The following MICU2 variants were observed in gnomAD, a reference collection of about 807,000 sequenced individuals.
The protein encoded by MICU2 is calcium uptake protein 2, mitochondrial.
Under a neutral mutation model 60.4 loss-of-function variants are expected in MICU2, and 64 were observed. The observed-to-expected ratio is 1.06, with a 90% CI of 0.87 to 1.31. The LOEUF is 1.31. MICU2 is among the 50% of genes most tolerant of loss of function. The probability of loss-of-function intolerance (pLI) is 0.00; values close to 1 mark genes in which losing one functional copy is unlikely to be tolerated. For missense variants in MICU2, 569 were observed against 531.0 expected, an observed-to-expected ratio of 1.07 and a Z score of -0.70; for synonymous variants, 201 against 175.0, an observed-to-expected ratio of 1.15 and a Z score of -1.17.
chr13:21,588,880 A>C (rs1888513620), intron 1 of MICU2, among the ~76,000 whole-genome samples: 1 of 152,232 alleles, frequency 6.6e-6, no homozygotes, highest in Non-Finnish European at 1.5e-5. Flanking sequence ...AAAATCAAAT[A>C]GCTGCAGGAT....
chr13:21,561,291 T>C (rs146954997), intron 2 of MICU2, among the ~76,000 whole-genome samples: 186 of 152,328 alleles, frequency 1.2e-3, no homozygotes, highest in Non-Finnish European at 5.1e-4. Flanking sequence ...AAATATCCTA[T>C]AAGTGGCAAT....
chr13:21,521,427 A>G, intron 5 of MICU2, 100 bp from the exon 6 acceptor site: 2 of 806,050 alleles, frequency 2.5e-6, no homozygotes, highest in East Asian at 2.7e-5. Flanking sequence ...CAGAAACTGT[A>G]TGAGTAAGTG....
chr13:21,603,783 G>A (rs911800853), intron 1 of MICU2, 156 bp downstream of exon 1: 14 of 809,308 alleles, frequency 1.7e-5, no homozygotes, highest in Non-Finnish European at 2.1e-5. Flanking sequence ...GGTCCAGGAA[G>A]GAGCGAGTCC....
At chr13:21,565,411 A>C (rs941722471) in intron 2 of MICU2, among the ~76,000 whole-genome samples, 1 of 152,080 alleles carries the variant, frequency 6.6e-6, no homozygotes, top group African/African-American at 2.4e-5. Context: ...CAATCCCAGC[A>C]CTTTGGGAGG....
intron 9 of MICU2, 30 bp from the exon 10 acceptor site, chr13:21,496,190 T>C (rs966222061): frequency 2.7e-6 from 4 of 1,479,100 alleles, no homozygotes; most frequent in Admixed American, 1.7e-5. Flanking sequence ...TATTACAATT[T>C]TGTAAGTACA....
At chr13:21,592,851 T>C (rs1593360194) in intron 1 of MICU2, among the ~76,000 whole-genome samples, 1 of 152,318 alleles carries the variant, frequency 6.6e-6, no homozygotes, top group East Asian at 1.9e-4. Flanking sequence ...AAACTAGGTA[T>C]TGATGGAACA....
chr13:21,506,989 T>C (rs908122152), intron 8 of MICU2, among the ~76,000 whole-genome samples: 2 of 152,234 alleles, frequency 1.3e-5, no homozygotes, highest in African/African-American at 4.8e-5. Flanking sequence ...GAAAATATTA[T>C]TAGAAGCCAT....
At chr13:21,542,947 A>G (rs1056887976) in intron 2 of MICU2, among the ~76,000 whole-genome samples, 4 of 152,240 alleles carry the variant, frequency 2.6e-5, no homozygotes, top group African/African-American at 9.6e-5. Context: ...TACAAAAACA[A>G]CACCAGCACT....
intron 1 of MICU2, among the ~76,000 whole-genome samples, chr13:21,576,827 C>G (rs565724549): frequency 3.9e-4 from 59 of 152,232 alleles, no homozygotes; most frequent in Admixed American, 9.2e-4. Flanking sequence ...ACAAAATTTG[C>G]TTAAATACTG....
At chr13:21,495,953 T>C in intron 10 of MICU2, 99 bp downstream of exon 10, 5 of 777,604 alleles carry the variant, frequency 6.4e-6, no homozygotes, top group Non-Finnish European at 1.0e-5. Context: ...TCAACTATTT[T>C]TACTTATAAT....
At chr13:21,564,970 T>C (rs1374073623) in intron 2 of MICU2, among the ~76,000 whole-genome samples, 1 of 152,156 alleles carries the variant, frequency 6.6e-6, no homozygotes, top group Non-Finnish European at 1.5e-5. Context: ...AGTGGTGGGT[T>C]CTTAGAGGTT....
At chr13:21,588,040 G>C (rs1000394234) in intron 1 of MICU2, among the ~76,000 whole-genome samples, 1 of 152,132 alleles carries the variant, frequency 6.6e-6, no homozygotes, top group Non-Finnish European at 1.5e-5. Flanking sequence ...ACAGACCCCA[G>C]TGTCAACCAG....
Position 21,508,756 on chromosome 13 carries a change from C to T in MICU2, c.761+1248G>A, listed in dbSNP as rs894337716. Among the ~76,000 whole-genome samples, 21 of 152,168 alleles carry T rather than the reference C, an allele frequency of 1.4e-4. 1 individual carries two copies. The highest frequency in any genetic ancestry group is 2.9e-4 in the Non-Finnish European group (20 of 68,028). ...TGCTGTGTTATCATTCCCTCAAATGCCTCCCTGCCCAAACCACTTTTGCCT... is the reference window on the plus strand; with the variant it reads ...TGCTGTGTTATCATTCCCTCAAATGTCTCCCTGCCCAAACCACTTTTGCCT... On this transcript the variant is annotated intron_variant, in intron 8 of 11. Transcript: ENST00000382374.
chr13:21,521,306 A>C lies in MICU2; in HGVS notation c.536T>G (p.Val179Gly). The change falls in exon 6 of 12, where the codon GTT becomes GGT. Residue 179 changes from valine to glycine, a missense_variant. Coordinates refer to ENST00000382374, the MANE Select transcript of MICU2 (RefSeq NM_152726.3). ...ILTKPHSGFH[V>G]AFKMLDTDGN... ...ATCTGTATCCAGCATTTTAAAAGCA[A>C]CATGAAATCCAGAATGGGGTTCTGC... The C allele has an allele frequency of 6.2e-7, 1 of 1,610,212 alleles. No homozygotes were observed. Among genetic ancestry groups the C allele is most frequent in the South Asian group, 1.1e-5 (1 of 90,060 alleles).
chr13:21,522,753 T>C, intron 4 of MICU2, 103 bp from the exon 5 acceptor site: 1 of 798,792 alleles, frequency 1.3e-6, no homozygotes, highest in Non-Finnish European at 1.9e-6. Flanking sequence ...AATTTTACTT[T>C]AAATTACCTC....
chr13:21,531,792 C>CA (rs927662070), intron 4 of MICU2, among the ~76,000 whole-genome samples: 16 of 151,598 alleles, frequency 1.1e-4, no homozygotes, highest in Middle Eastern at 3.4e-3. Flanking sequence ...CAACTAATGC[C>CA]AAAAAAACGG....
At position 21,521,306 on chromosome 13, in the gene MICU2, A is replaced by G. The variant is rs772338232; in HGVS notation, c.536T>C (p.Val179Ala). ...ATCTGTATCCAGCATTTTAAAAGCA[A>G]CATGAAATCCAGAATGGGGTTCTGC... The part of the protein sequence containing the change: ...ILTKPHSGFH[V>A]AFKMLDTDGN... The change falls in exon 6 of 12, where the codon GTT becomes GCT. Residue 179 changes from valine to alanine, a missense_variant. Coordinates refer to ENST00000382374, the MANE Select transcript of MICU2 (RefSeq NM_152726.3). 2 of 1,610,212 alleles carry G rather than the reference A, an allele frequency of 1.2e-6. No individual in the cohort carries two copies. The highest frequency in any genetic ancestry group is 1.1e-5 in the South Asian group (1 of 90,060).
intron 6 of MICU2, among the ~76,000 whole-genome samples, chr13:21,518,468 C>T (rs574719617): frequency 1.7e-4 from 26 of 152,248 alleles, no homozygotes; most frequent in African/African-American, 5.8e-4. Context: ...TCAGGGGCTC[C>T]GCTATGCCCA....
chr13:21,539,590 G>A (rs1392925612), intron 3 of MICU2, 67 bp downstream of exon 3: 117 of 1,598,018 alleles, frequency 7.3e-5, no homozygotes, highest in Non-Finnish European at 6.0e-6. Context: ...GAGCCACCGT[G>A]CCCGGCCAAA....
Sources: gnomAD v4.1 joint callset for allele counts (sites outside exome capture counted in the v4.1 genomes callset) on GRCh38, gnomAD v4.1.1 for gene constraint, MANE v1.5 for transcripts, NCBI Gene and HGNC (gene_info 2026-07-23, HGNC 2026-07-21) for gene names.